BORA: variants seen among roughly 807,000 people sequenced by gnomAD.
BORA encodes BORA aurora kinase A activator.
In BORA, 26 loss-of-function variants were observed where a neutral mutation model predicts 55.8. That is an observed-to-expected ratio of 0.47 (90% confidence interval 0.34 to 0.65). The LOEUF (loss-of-function observed/expected upper bound fraction) is 0.65. Among genes scored for constraint, BORA ranks in the 30% least tolerant of loss-of-function variants. BORA has a pLI of 0.01. For missense variants in BORA, 568 were observed against 671.5 expected, an observed-to-expected ratio of 0.85 and a Z score of 1.70; for synonymous variants, 201 against 216.9, an observed-to-expected ratio of 0.93 and a Z score of 0.64.
chr13:72,752,690 G>A (rs2033309691), intron 10 of BORA: 1 of 152,036 alleles, frequency 6.6e-6, no homozygotes, highest in Non-Finnish European at 1.5e-5. Flanking sequence ...CAAGGCTTTT[G>A]TTCTAATTGG....
chr13:72,744,360 G>T, intron 6 of BORA, 145 bp from the exon 7 acceptor site: 1 of 669,404 alleles, frequency 1.5e-6, no homozygotes. Flanking sequence ...CAGGGTATGT[G>T]ATAGAATGCA....
chr13:72,736,500 T>C (rs188757695), intron 4 of BORA, among the ~76,000 whole-genome samples: 133 of 152,260 alleles, frequency 8.7e-4, no homozygotes, highest in African/African-American at 3.1e-3. Context: ...TACTGCATCC[T>C]CCTTTTTTTG....
intron 4 of BORA, among the ~76,000 whole-genome samples, chr13:72,736,443 T>C (rs2032929510): frequency 6.6e-6 from 1 of 152,192 alleles, no homozygotes; most frequent in Non-Finnish European, 1.5e-5. Context: ...GTCCTTAAAA[T>C]ATTTTCGACA....
At chr13:72,746,475 ATTT>A (rs746750787) in intron 9 of BORA, 23 bp from the exon 10 acceptor site, 2 of 1,570,912 alleles carry the variant, frequency 1.3e-6, no homozygotes, top group South Asian at 2.3e-5. Context: ...TTATGATGTG[ATTT>A]TTTTTCCCTT....
At chr13:72,743,631 G>C (rs527874501) in intron 6 of BORA, 29 bp downstream of exon 6, 3 of 1,551,888 alleles carry the variant, frequency 1.9e-6, no homozygotes, top group South Asian at 1.1e-5. Flanking sequence ...TGAAAAGAAG[G>C]ATGTTCCATA....
At chr13:72,746,264 C>T (rs2033139175) in intron 9 of BORA, among the ~76,000 whole-genome samples, 188 bp downstream of exon 9, 1 of 152,186 alleles carries the variant, frequency 6.6e-6, no homozygotes, top group Non-Finnish European at 1.5e-5. Flanking sequence ...CCAGTTTGTA[C>T]TGTAGTGTTA....
Position 72,734,937 on chromosome 13 carries a change from TTTTC to T in BORA, c.261-20_261-17del. ...TAAGCTTAAGTAATAGCATGGTTAT[TTTTC>T]TTCTTTATCTTTGTATAGAATAGAT... On this transcript the variant is annotated intron_variant, in intron 3 of 11. Coordinates refer to ENST00000390667, the MANE Select transcript of BORA (RefSeq NM_024808.5). 1.3e-6 allele frequency: 2 copies of T among 1,508,266 alleles called. No homozygotes were observed. Among genetic ancestry groups the T allele is most frequent in the Non-Finnish European group, 1.8e-6 (2 of 1,097,390 alleles). The allele number at this position is 1,508,266 out of a possible 1,614,324, so 93.4% of individuals were successfully genotyped here.
chr13:72,735,269 A>G (rs1378595441), intron 4 of BORA, among the ~76,000 whole-genome samples: 2 of 152,158 alleles, frequency 1.3e-5, no homozygotes, highest in African/African-American at 2.4e-5. Context: ...TTTTTGGCCA[A>G]TACTGTACTT....
At chr13:72,728,123 G>A (rs2277417) in intron 1 of BORA, 116 bp downstream of exon 1, 305,822 of 1,398,560 alleles carry the variant, frequency 0.22, 36,275 homozygotes, top group East Asian at 0.24. Flanking sequence ...CAGTCAGGGA[G>A]TAGGTGTGGA....
intron 3 of BORA, among the ~76,000 whole-genome samples, chr13:72,732,247 C>T (rs373425893): frequency 6.6e-6 from 1 of 152,156 alleles, no homozygotes; most frequent in South Asian, 2.1e-4. Flanking sequence ...TACTTACTGG[C>T]TTTTCTCCTC....
chr13:72,751,121 T>C (rs770232464), intron 10 of BORA, among the ~76,000 whole-genome samples: 2 of 152,166 alleles, frequency 1.3e-5, no homozygotes, highest in Non-Finnish European at 2.9e-5. Flanking sequence ...AGCATGATCA[T>C]TGTGATTAAT....
intron 5 of BORA, among the ~76,000 whole-genome samples, chr13:72,740,208 C>T (rs1235792443): frequency 6.6e-6 from 1 of 152,164 alleles, no homozygotes; most frequent in African/African-American, 2.4e-5. Context: ...ATTCACTGCA[C>T]TGGACTGTTT....
chr13:72,745,240 A>T, intron 8 of BORA, 33 bp downstream of exon 8: 1 of 1,560,412 alleles, frequency 6.4e-7, no homozygotes, highest in Non-Finnish European at 8.8e-7. Context: ...GTTGGCTAAT[A>T]TGCTGTCAAG....
At position 72,731,309 on chromosome 13, in the gene BORA, A is replaced by G. The variant is rs1194748973; in HGVS notation, c.182A>G (p.Asp61Gly). Residue 61 changes from aspartate (D) to glycine (G), a missense_variant, in exon 3 of 12, where the codon GAT (aspartate) becomes GGT (glycine). By Grantham distance (94) the Asp-to-Gly change is moderately conservative (BLOSUM62 -1). Coordinates refer to ENST00000390667, the MANE Select transcript of BORA (RefSeq NM_024808.5). ...PTPGKFRWSI[D>G]QLAVINPVEI... is the part of the protein sequence containing the mutation. ...CCAGGGAAATTTAGATGGTCTATTGATCAACTAGCTGTAATAAATCCTGTA... is the reference window on the plus strand; with the variant it reads ...CCAGGGAAATTTAGATGGTCTATTGGTCAACTAGCTGTAATAAATCCTGTA... The G allele has an allele frequency of 1.9e-6, 3 of 1,612,194 alleles. No homozygotes were observed. The highest frequency in any genetic ancestry group is 2.5e-6 in the Non-Finnish European group (3 of 1,178,858).
intron 5 of BORA, among the ~76,000 whole-genome samples, chr13:72,739,641 G>A (rs1389705460): frequency 6.6e-6 from 1 of 152,152 alleles, no homozygotes; most frequent in African/African-American, 2.4e-5. Flanking sequence ...TTAAAAGAAT[G>A]GGATTTCCTA....
chr13:72,743,468 T>C, intron 5 of BORA, 69 bp from the exon 6 acceptor site: 1 of 1,141,872 alleles, frequency 8.8e-7, no homozygotes, highest in Non-Finnish European at 1.2e-6. Flanking sequence ...TTTTTTACTT[T>C]GGAAAAAGTA....
intron 10 of BORA, among the ~76,000 whole-genome samples, chr13:72,747,544 T>C (rs1186954043): frequency 6.6e-6 from 1 of 152,114 alleles, no homozygotes; most frequent in Non-Finnish European, 1.5e-5. Context: ...AGCACTGGTT[T>C]TTTTTTTGAG....
At chr13:72,735,097 A>G in intron 4 of BORA, 92 bp downstream of exon 4, 1 of 1,016,012 alleles carries the variant, frequency 9.8e-7, no homozygotes, top group East Asian at 2.5e-5. Flanking sequence ...CAATTCCTTC[A>G]CTGTCCTATC....
intron 3 of BORA, among the ~76,000 whole-genome samples, chr13:72,732,688 ATAAATAAATAAG>A (rs2032844558): frequency 6.6e-6 from 1 of 152,200 alleles, no homozygotes; most frequent in Admixed American, 6.5e-5. Flanking sequence ...AAAAAATAAA[ATAAATAAATAAG>A]TAAATAAATA....
Sources: gnomAD v4.1 joint callset for allele counts (sites outside exome capture counted in the v4.1 genomes callset) on GRCh38, gnomAD v4.1.1 for gene constraint, MANE v1.5 for transcripts, NCBI Gene and HGNC (gene_info 2026-07-23, HGNC 2026-07-21) for gene names.